ST3GAL6: variants seen among roughly 807,000 people sequenced by gnomAD.
ST3GAL6 encodes the protein type 2 lactosamine alpha-2,3-sialyltransferase.
ST3GAL6 carries 31 observed loss-of-function variants against 40.5 expected under a neutral mutation model. The observed-to-expected ratio is 0.77, with a 90% CI of 0.58 to 1.03. The LOEUF is 1.03. Among genes scored for constraint, ST3GAL6 ranks in the 50% least tolerant of loss-of-function variants. The pLI, the probability that ST3GAL6 is intolerant of heterozygous loss-of-function variation, is 0.00. For missense variants in ST3GAL6, 357 were observed against 393.2 expected (o/e 0.91, Z 0.78); for synonymous variants, 129 against 136.9 (o/e 0.94, Z 0.40).
intron 1 of ST3GAL6, among the ~76,000 whole-genome samples, chr3:98,740,443 T>A (rs1409266262): frequency 6.6e-6 from 1 of 152,128 alleles, no homozygotes; most frequent in Non-Finnish European, 1.5e-5. Flanking sequence ...CTTTTTATTG[T>A]CCTGTTTGAC....
At chr3:98,750,563 C>G (rs1250387741) in intron 1 of ST3GAL6, among the ~76,000 whole-genome samples, 5 of 143,090 alleles carry the variant, frequency 3.5e-5, no homozygotes, top group African/African-American at 7.7e-5. Flanking sequence ...CACTGGCATT[C>G]TTTTTTTTTT....
intron 3 of ST3GAL6, among the ~76,000 whole-genome samples, chr3:98,771,470 A>G (rs995215717): frequency 6.6e-6 from 1 of 152,192 alleles, no homozygotes; most frequent in Non-Finnish European, 1.5e-5. Context: ...TTCTATTCAC[A>G]TATGTTCTTT....
chr3:98,734,378 T>G (rs1935338934), intron 1 of ST3GAL6, among the ~76,000 whole-genome samples: 1 of 152,150 alleles, frequency 6.6e-6, no homozygotes, highest in African/African-American at 2.4e-5. Flanking sequence ...TGTCTCTGAG[T>G]AAGGCCAAAT....
chr3:98,774,077 G>T, intron 5 of ST3GAL6, 94 bp downstream of exon 5: 1 of 1,084,552 alleles, frequency 9.2e-7, no homozygotes. Context: ...TATTTACTCA[G>T]GAAAATTTCA....
chr3:98,771,021 C>T, intron 3 of ST3GAL6, 65 bp downstream of exon 3: 3 of 1,574,240 alleles, frequency 1.9e-6, no homozygotes, highest in South Asian at 1.1e-5. Flanking sequence ...AATCATTTTC[C>T]ACACTTGTTT....
In ST3GAL6 at chr3:98,788,057, A is replaced by G; in HGVS notation, c.453A>G (p.Leu151=). ...VIIRMNNGPV[L]GHEEEVGRRT... ...ACAGAATGAATAATGGTCCTGTTTT[A>G]GGACATGAAGAAGAAGTTGGGAGAA... The change falls in exon 7 of 10, where the codon TTA becomes TTG. Residue 151 remains leucine (L), a synonymous_variant. Coordinates refer to ENST00000483910, the MANE Select transcript of ST3GAL6 (RefSeq NM_001323368.2). 1.2e-6 allele frequency: 2 copies of G among 1,613,648 alleles called. No individual in the cohort carries two copies. The highest frequency in any genetic ancestry group is 1.7e-6 in the Non-Finnish European group (2 of 1,179,828).
chr3:98,792,093 AC>A, intron 9 of ST3GAL6, 100 bp downstream of exon 9: 1 of 1,227,096 alleles, frequency 8.1e-7, no homozygotes, highest in Non-Finnish European at 1.1e-6. Context: ...TTACTGAGGG[AC>A]CACGTTTTGA....
intron 2 of ST3GAL6, 72 bp downstream of exon 2, chr3:98,768,601 AGGGTCCTATG>A: frequency 8.7e-7 from 1 of 1,147,712 alleles, no homozygotes; most frequent in Admixed American, 2.0e-5. Flanking sequence ...ATTATAGTAG[AGGGTCCTATG>A]AAAAAAACTT....
chr3:98,782,424 A>G, intron 5 of ST3GAL6: 1 of 635,522 alleles, frequency 1.6e-6, no homozygotes, highest in South Asian at 1.8e-5. Context: ...GACTCTCACA[A>G]TAGCCAGATC....
upstream of ST3GAL6, among the ~76,000 whole-genome samples, chr3:98,761,229 G>C (rs1469988715): frequency 6.6e-6 from 1 of 152,088 alleles, no homozygotes; most frequent in Non-Finnish European, 1.5e-5. Context: ...AGGATTACTT[G>C]AGCCCAGAAG....
At chr3:98,793,531 T>TATC (rs1941382378) in intron 9 of ST3GAL6, 144 bp from the exon 10 acceptor site, 1 of 501,934 alleles carries the variant, frequency 2.0e-6, no homozygotes, top group Non-Finnish European at 3.5e-6. Flanking sequence ...TTTAAAAGGC[T>TATC]ATCAAAAGTT....
At chr3:98,733,214 G>A (rs549775474) in intron 1 of ST3GAL6, 1 of 951,536 alleles carries the variant, frequency 1.1e-6, no homozygotes, top group Non-Finnish European at 1.3e-6. Context: ...ATGGGCGCTG[G>A]GACCCGCGAG....
intron 3 of ST3GAL6, chr3:98,771,290 C>G: frequency 6.7e-6 from 4 of 598,660 alleles, no homozygotes; most frequent in Non-Finnish European, 9.9e-6. Flanking sequence ...ATTTTCCACC[C>G]TTATTAATTT....
intron 1 of ST3GAL6, among the ~76,000 whole-genome samples, chr3:98,751,019 T>C (rs1936971049): frequency 6.6e-6 from 1 of 151,548 alleles, no homozygotes; most frequent in African/African-American, 2.4e-5. Flanking sequence ...GAGGTTTCTT[T>C]ACCAACTTAT....
chr3:98,775,576 G>A (rs1372112328), intron 5 of ST3GAL6, among the ~76,000 whole-genome samples: 1 of 151,930 alleles, frequency 6.6e-6, no homozygotes, highest in Non-Finnish European at 1.5e-5. Context: ...TCAGGATTCT[G>A]GAGGCTATAT....
At chr3:98,755,714 G>A (rs994853308) in intron 1 of ST3GAL6, among the ~76,000 whole-genome samples, 18 of 151,952 alleles carry the variant, frequency 1.2e-4, no homozygotes, top group African/African-American at 3.6e-4. Context: ...TGTTTTTAAC[G>A]TCCTAAAGAG....
intron 2 of ST3GAL6, among the ~76,000 whole-genome samples, chr3:98,769,154 G>C (rs1938694804): frequency 6.6e-6 from 1 of 152,132 alleles, no homozygotes; most frequent in African/African-American, 2.4e-5. Flanking sequence ...ATAACTTCCT[G>C]TCTTAGACAA....
Position 98,793,783 on chromosome 3 carries a change from T to C in ST3GAL6, c.*22T>C. On this transcript the variant is annotated 3_prime_UTR_variant, in exon 10 of 10. Transcript: ENST00000483910. ...TTGACTCTACAGACTCAGAAGATGA[T>C]GCTAACAGTGTTAGTTTTATTTTTG... 1 of 1,464,734 alleles carries C rather than the reference T, an allele frequency of 6.8e-7. No homozygotes were observed. The highest frequency in any genetic ancestry group is 9.3e-7 in the Non-Finnish European group (1 of 1,071,834). 90.7% of individuals were successfully genotyped at this position (1,464,734 alleles called of 1,614,324 possible).
intron 1 of ST3GAL6, among the ~76,000 whole-genome samples, chr3:98,747,628 G>T (rs372362027): frequency 1.3e-5 from 2 of 152,306 alleles, no homozygotes; most frequent in South Asian, 2.1e-4. Context: ...GTACAAATTT[G>T]TGATGTATTT....
Sources: gnomAD v4.1 joint callset for allele counts (sites outside exome capture counted in the v4.1 genomes callset) on GRCh38, gnomAD v4.1.1 for gene constraint, MANE v1.5 for transcripts, NCBI Gene and HGNC (gene_info 2026-07-23, HGNC 2026-07-21) for gene names.